Variants in CCZ1 observed in about 807,000 individuals in gnomAD.
CCZ1 encodes the protein vacuolar fusion protein CCZ1 homolog.
Under a neutral mutation model 57.8 loss-of-function variants are expected in CCZ1, and 19 were observed. The ratio of observed to expected loss-of-function variants is 0.33; its 90% CI spans 0.23 to 0.48. The LOEUF (loss-of-function observed/expected upper bound fraction) is 0.48. Ranked by LOEUF, CCZ1 falls within the 20% of genes least tolerant of loss-of-function variation. The pLI, the probability that CCZ1 is intolerant of heterozygous loss-of-function variation, is 0.99. For missense variants in CCZ1, 200 were observed against 492.0 expected (o/e 0.41, Z 5.61); for synonymous variants, 81 against 167.0 (o/e 0.49, Z 3.97).
chr7:5,914,291 C>G (rs1291123842), intron 10 of CCZ1, among the ~76,000 whole-genome samples: 17 of 147,736 alleles, frequency 1.2e-4, no homozygotes, highest in African/African-American at 4.3e-4. Context: ...TAAAAATTAG[C>G]CAGGCATGGC....
intron 7 of CCZ1, among the ~76,000 whole-genome samples, chr7:5,906,110 A>G (rs1781810361): frequency 6.8e-6 from 1 of 146,676 alleles, no homozygotes; most frequent in Non-Finnish European, 1.5e-5. Flanking sequence ...AAACCAGGAA[A>G]TTACCTGCTA....
rs191284133 is a variant in CCZ1, at chr7:5,903,759, C to T, written c.522+1015C>T. On this transcript the variant is annotated intron_variant, in intron 6 of 14. Coordinates refer to ENST00000325974, the MANE Select transcript of CCZ1 (RefSeq NM_015622.6). ...CTGTGATCCCACCACTTTGGGAGGCCGATGCGGGCAGATCTTGAGGTCATG... is the reference window on the plus strand; with the variant it reads ...CTGTGATCCCACCACTTTGGGAGGCTGATGCGGGCAGATCTTGAGGTCATG... Among the ~76,000 whole-genome samples the T allele has an allele frequency of 4.6e-3, 684 of 147,470 alleles. 44 individuals are homozygous for T. The highest frequency in any genetic ancestry group is 0.017 in the African/African-American group (654 of 39,048).
intron 7 of CCZ1, among the ~76,000 whole-genome samples, chr7:5,909,830 G>GA (rs1269889822): frequency 6.6e-6 from 1 of 151,150 alleles, no homozygotes; most frequent in Admixed American, 6.6e-5. Context: ...TTATGTTTAG[G>GA]AAAAAGGAAA....
At chr7:5,906,975 C>A (rs1297568764) in intron 7 of CCZ1, among the ~76,000 whole-genome samples, 2 of 147,274 alleles carry the variant, frequency 1.4e-5, no homozygotes, top group African/African-American at 2.5e-5. Context: ...TCAAGCAATT[C>A]TCCTGCCTCA....
intron 9 of CCZ1, among the ~76,000 whole-genome samples, chr7:5,912,492 T>C (rs1296225695): frequency 3.1e-5 from 4 of 129,444 alleles, no homozygotes; most frequent in Admixed American, 1.8e-4. Flanking sequence ...CTCCATCTCC[T>C]AGGTTCAAGC....
intron 12 of CCZ1, among the ~76,000 whole-genome samples, chr7:5,922,964 GCAGA>G (rs1395865414): frequency 6.7e-6 from 1 of 149,452 alleles, no homozygotes; most frequent in Non-Finnish European, 1.5e-5. Context: ...TGGTGGGAAA[GCAGA>G]CAGACAACAC....
chr7:5,904,988 A>T (rs1431775812), intron 6 of CCZ1, 106 bp from the exon 7 acceptor site: 2 of 1,239,814 alleles, frequency 1.6e-6, no homozygotes, highest in African/African-American at 3.2e-5. Flanking sequence ...CTAGTATGTA[A>T]TTGTACCATA....
chr7:5,901,449 C>T lies in CCZ1; in HGVS notation c.391-208C>T, dbSNP rs186979856. The T allele has an allele frequency of 5.5e-4, 420 of 766,664 alleles. 16 individuals are homozygous for T. Among genetic ancestry groups the T allele is most frequent in the African/African-American group, 5.4e-3 (281 of 52,438 alleles). The allele number at this position is 766,664 out of a possible 1,614,324, so 47.5% of individuals were successfully genotyped here. On this transcript the variant is annotated intron_variant, in intron 4 of 14. Transcript: ENST00000325974. ...GCAGTGAGCCAAGATTGTACCACTG[C>T]GCTCCAGCCTGGACAACAGAGCGAG... is the stretch of plus-strand genomic sequence containing the variant.
In CCZ1 at chr7:5,901,764, C is replaced by A. The variant is rs1781691685; in HGVS notation, c.438+60C>A. 1.1e-5 allele frequency: 18 copies of A among 1,578,366 alleles called. 2 individuals are homozygous for A. The South Asian group carries it at 1.6e-4, about 14-fold the overall frequency. ...GCCACTTACCCCTATCTCTAGGCTC[C>A]AGGGTTGTTTAAAGAGAAATCTGTA... On this transcript the variant is annotated intron_variant, in intron 5 of 14. Transcript: ENST00000325974.
intron 6 of CCZ1, among the ~76,000 whole-genome samples, chr7:5,904,665 A>T (rs1480624382): frequency 6.8e-6 from 1 of 146,920 alleles, no homozygotes; most frequent in East Asian, 2.2e-4. Context: ...CCCCATCTCT[A>T]CTAAAAATGG....
intron 5 of CCZ1, chr7:5,901,922 G>A: frequency 2.0e-6 from 1 of 494,392 alleles, no homozygotes; most frequent in South Asian, 3.4e-5. Context: ...CCTTATAGTA[G>A]GAATGTGTCC....
chr7:5,909,920 T>C (rs1781929527), intron 7 of CCZ1, 115 bp from the exon 8 acceptor site: 1 of 724,234 alleles, frequency 1.4e-6, no homozygotes, highest in African/African-American at 1.8e-5. Context: ...GAATTTATTC[T>C]GTGTTACTAA....
intron 10 of CCZ1, chr7:5,918,490 CAG>C (rs1207965648): frequency 9.5e-5 from 43 of 454,712 alleles, no homozygotes; most frequent in Non-Finnish European, 1.5e-4. Flanking sequence ...GGACTATACA[CAG>C]AGAGACTAGA....
chr7:5,925,327 GTCTCTACCAAAAAATACAAAC>G (rs900845549), intron 14 of CCZ1, among the ~76,000 whole-genome samples: 2 of 118,808 alleles, frequency 1.7e-5, no homozygotes, highest in Admixed American at 1.7e-4. Flanking sequence ...GCGAAACCCT[GTCTCTACCAAAAAATACAAAC>G]ATTAGCAGGG....
intron 12 of CCZ1, among the ~76,000 whole-genome samples, chr7:5,920,960 T>TA (rs1779230924): frequency 8.7e-6 from 1 of 114,946 alleles, no homozygotes; most frequent in South Asian, 2.6e-4. Context: ...GGTTTTTTTT[T>TA]TTTTTTTTTT....
chr7:5,904,886 T>C lies in CCZ1; in HGVS notation c.523-208T>C, dbSNP rs184806588. On this transcript the variant is annotated intron_variant, in intron 6 of 14. Coordinates refer to ENST00000325974, the MANE Select transcript of CCZ1 (RefSeq NM_015622.6). ...ATACTGAATAAACATTAAGTAGATA[T>C]GTTTGAACTTTGTATCTTGGAATTG... is the stretch of plus-strand genomic sequence containing the variant. 7.4e-5 allele frequency among the ~76,000 whole-genome samples: 11 copies of C among 147,750 alleles called. 1 individual carries two copies. In the South Asian group the frequency reaches 1.1e-3, roughly 15 times the overall value.
chr7:5,922,820 A>G (rs1214557832), intron 12 of CCZ1, among the ~76,000 whole-genome samples: 5 of 146,062 alleles, frequency 3.4e-5, no homozygotes, highest in African/African-American at 5.3e-5. Flanking sequence ...CATTCCCCGC[A>G]CTGTGGGAGG....
chr7:5,900,293 A>T lies in CCZ1; in HGVS notation c.130A>T (p.Lys44Ter), dbSNP rs1281137649. The change falls in exon 2 of 15, where the codon AAG (lysine) becomes TAG (stop). Residue 44 changes from lysine to a stop codon, truncating the protein, a stop_gained. Coordinates refer to ENST00000325974, the MANE Select transcript of CCZ1 (RefSeq NM_015622.6). LOFTEE classifies it high-confidence loss of function. ...TTTCCTCATGTTTCAGGAGGAAAAT[A>T]AGATTTTATTTTATCATCCAAATGA... is the stretch of plus-strand genomic sequence containing the variant. ...FGPREGQEENKILFYHPNEVE... is the reference protein window; with the variant it reads ...FGPREGQEEN 6.6e-7 allele frequency: 1 copy of T among 1,520,994 alleles called. No homozygotes were observed. 94.2% of individuals were successfully genotyped at this position (1,520,994 alleles called of 1,614,324 possible).
chr7:5,901,369 C>T lies in CCZ1; in HGVS notation c.391-288C>T, dbSNP rs541461720. ...GGATGGTGGCGCACACCTGTCATCC[C>T]GGCTTCTCAGGAGGCTGAGGCAGGA... On this transcript the variant is annotated intron_variant, in intron 4 of 14. Coordinates refer to ENST00000325974, the MANE Select transcript of CCZ1 (RefSeq NM_015622.6). 18 of 280,352 alleles carry T rather than the reference C, an allele frequency of 6.4e-5. 1 individual carries two copies. The highest frequency in any genetic ancestry group is 3.1e-4 in the Admixed American group (6 of 19,254). The allele number at this position is 280,352 out of a possible 1,614,324, so 17.4% of individuals were successfully genotyped here. A position where few individuals can be genotyped will look rare whatever the true frequency, so the allele number is the denominator to read the frequency against.
Sources: allele counts gnomAD v4.1 joint callset (sites outside exome capture counted in the v4.1 genomes callset), GRCh38; gene constraint gnomAD v4.1.1; transcripts MANE v1.5; gene names NCBI Gene and HGNC (gene_info 2026-07-23, HGNC 2026-07-21).